The following ENPP3 variants were observed in gnomAD, a reference collection of about 807,000 sequenced individuals.
The protein encoded by ENPP3 is ectonucleotide pyrophosphatase/phosphodiesterase family member 3.
ENPP3 carries 104 observed loss-of-function variants against 117.8 expected under a neutral mutation model. The observed-to-expected ratio is 0.88, with a 90% confidence interval of 0.75 to 1.04. The LOEUF (loss-of-function observed/expected upper bound fraction) is 1.04. Ranked by LOEUF, ENPP3 falls within the 50% of genes least tolerant of loss-of-function variation. The pLI, the probability that ENPP3 is intolerant of heterozygous loss-of-function variation, is 0.00. For missense variants in ENPP3, 1,026 were observed against 1,051.9 expected (o/e 0.98, Z 0.34); for synonymous variants, 380 against 349.9 (o/e 1.09, Z -0.96).
chr6:131,736,471 G>A (rs186729544), intron 21 of ENPP3, among the ~76,000 whole-genome samples: 5 of 152,184 alleles, frequency 3.3e-5, no homozygotes, highest in East Asian at 1.9e-4. Flanking sequence ...ATCAGATCTC[G>A]TGAGACTTAT....
intron 24 of ENPP3, among the ~76,000 whole-genome samples, chr6:131,746,369 C>G (rs1780635942): frequency 6.6e-6 from 1 of 151,900 alleles, no homozygotes; most frequent in Admixed American, 6.6e-5. Flanking sequence ...TTGTAGAATA[C>G]CACTTATAAT....
At chr6:131,701,152 G>T in intron 15 of ENPP3, 1 of 731,014 alleles carries the variant, frequency 1.4e-6, no homozygotes, top group South Asian at 1.7e-5. Context: ...GGATGCAGGA[G>T]GTTCACCAGC....
chr6:131,719,195 C>A (rs1024440259), intron 16 of ENPP3, among the ~76,000 whole-genome samples: 1 of 151,724 alleles, frequency 6.6e-6, no homozygotes, highest in African/African-American at 2.4e-5. Context: ...TGACATTGAG[C>A]AGAGATTTGA....
intron 6 of ENPP3, among the ~76,000 whole-genome samples, chr6:131,661,689 TTTC>T (rs1778503645): frequency 6.6e-6 from 1 of 152,252 alleles, no homozygotes; most frequent in Admixed American, 6.5e-5. Context: ...GCACAATATC[TTTC>T]TTCTTTGAAG....
chr6:131,671,268 A>G lies in ENPP3; in HGVS notation c.583A>G (p.Lys195Glu). 1 of 1,599,896 alleles carries G rather than the reference A, an allele frequency of 6.3e-7. No individual in the cohort carries two copies. Among genetic ancestry groups the G allele is most frequent in the South Asian group, 1.1e-5 (1 of 90,614 alleles). The change falls in exon 7 of 25, where the codon AAA becomes GAA. Residue 195 changes from lysine to glutamate, a missense_variant. Transcript: ENST00000357639. ...TGCAGAAACATGTGGAATTCATTCA[A>G]AATACATGAGAGCTATGTATCCTAC... ...NKLKTCGIHS[K>E]YMRAMYPTKT...
Position 131,740,239 on chromosome 6 carries a change from T to C in ENPP3, c.2316T>C (p.Thr772=), listed in dbSNP as rs781142098. 1 of 1,600,936 alleles carries C rather than the reference T, an allele frequency of 6.2e-7. No individual in the cohort carries two copies. The highest frequency in any genetic ancestry group is 1.1e-5 in the South Asian group (1 of 88,456). Residue 772 remains threonine (T), a synonymous_variant, in exon 24 of 25, where the codon ACT becomes ACC. Transcript: ENST00000357639. ...PDEITKHLAN[T]DVPIPTHYFV... is the part of the protein sequence containing the mutation. ...TGTTTGTAAGACATTTAGCCAACAC[T>C]GATGTTCCCATCCCAACACACTACT... is the stretch of plus-strand genomic sequence containing the variant.
At chr6:131,718,017 C>A (rs1205783985) in intron 15 of ENPP3, among the ~76,000 whole-genome samples, 29 of 152,162 alleles carry the variant, frequency 1.9e-4, no homozygotes, top group Admixed American at 1.9e-3. Context: ...GCTGTACCAT[C>A]CAGGCTTGTG....
intron 2 of ENPP3, among the ~76,000 whole-genome samples, chr6:131,647,356 C>T (rs543183097): frequency 1.3e-5 from 2 of 152,124 alleles, no homozygotes; most frequent in South Asian, 4.1e-4. Context: ...TTAATAAATC[C>T]TCCCTTTAAT....
At chr6:131,724,558 A>G (rs1047583830) in intron 19 of ENPP3, among the ~76,000 whole-genome samples, 2 of 152,172 alleles carry the variant, frequency 1.3e-5, no homozygotes, top group Non-Finnish European at 1.5e-5. Flanking sequence ...TAGCAATATT[A>G]TTATTACCTG....
chr6:131,718,675 T>G lies in ENPP3; in HGVS notation c.1416T>G (p.Ser472Arg). ...TAATAATATTTTTTCTTTATAGGAG[T>G]AAATCAAATACAAATTGTGGAGGAG... ...FVDQQWLAVR[S>R]KSNTNCGGGN... Residue 472 changes from serine (S) to arginine (R), a missense_variant, in exon 16 of 25, where the codon AGT (serine) becomes AGG (arginine). By Grantham distance (110) the Ser-to-Arg change is moderately radical (BLOSUM62 -1). Coordinates refer to ENST00000357639, the MANE Select transcript of ENPP3 (RefSeq NM_005021.5). 6.4e-7 allele frequency: 1 copy of G among 1,572,246 alleles called. No individual in the cohort carries two copies. Among genetic ancestry groups the G allele is most frequent in the Non-Finnish European group, 8.7e-7 (1 of 1,144,042 alleles).
rs199684103 is a variant in ENPP3, at chr6:131,649,991, C to A, written c.155-36C>A. The A allele has an allele frequency of 2.9e-5, 47 of 1,612,886 alleles. No individual in the cohort carries two copies. The African/African-American group carries it at 5.3e-4, about 18-fold the overall frequency. ...CTTAGGTATGAGATATTGAATAGCT[C>A]CTAAATGTTCGGGCCCTATTTCCTT... On this transcript the variant is annotated intron_variant, in intron 2 of 24. Coordinates refer to ENST00000357639, the MANE Select transcript of ENPP3 (RefSeq NM_005021.5).
Position 131,713,049 on chromosome 6 carries a change from A to G in ENPP3, c.1413-5623A>G, listed in dbSNP as rs1779820740. ...CTCAGCAGCTGGTGAGAGGTAATTGAATCATGGGGGTGGGTCTTTCCCATG... is the reference window on the plus strand; with the variant it reads ...CTCAGCAGCTGGTGAGAGGTAATTGGATCATGGGGGTGGGTCTTTCCCATG... On this transcript the variant is annotated intron_variant, in intron 15 of 24. Transcript: ENST00000357639. Among the ~76,000 whole-genome samples the G allele has an allele frequency of 3.0e-5, 4 of 134,670 alleles. No homozygotes were observed. In the South Asian group the frequency reaches 9.3e-4, roughly 31 times the overall value. The allele number at this position is 134,670 out of a possible 152,430, so 88.3% of individuals were successfully genotyped here.
At chr6:131,668,621 G>T (rs919597912) in intron 6 of ENPP3, among the ~76,000 whole-genome samples, 1 of 151,762 alleles carries the variant, frequency 6.6e-6, no homozygotes, top group Non-Finnish European at 1.5e-5. Context: ...AGTTGCATAG[G>T]CTTATCTCAT....
At chr6:131,693,745 G>T (rs3213694) in intron 15 of ENPP3, 121 bp downstream of exon 15, 154,939 of 1,008,012 alleles carry the variant, frequency 0.15, 17,554 homozygotes, top group African/African-American at 0.46. Context: ...GACATTTTCT[G>T]GCCTTTTTGT....
chr6:131,684,633 G>A (rs1370672104), intron 12 of ENPP3, among the ~76,000 whole-genome samples: 3 of 150,238 alleles, frequency 2.0e-5, no homozygotes, highest in Admixed American at 6.6e-5. Context: ...GCAGTGAAGC[G>A]AGATCACACC....
Position 131,674,271 on chromosome 6 carries a change from A to G in ENPP3, c.752A>G (p.His251Arg), listed in dbSNP as rs1349826158. 4.3e-6 allele frequency: 7 copies of G among 1,613,638 alleles called. No individual in the cohort carries two copies. Among genetic ancestry groups the G allele is most frequent in the Non-Finnish European group, 5.1e-6 (6 of 1,179,630 alleles). The part of the protein sequence containing the change: ...SKEQNNPAWW[H>R]GQPMWLTAMY... ...GAACAAAATAATCCAGCCTGGTGGC[A>G]TGGGCAACCAGTATGTAGCATTCTA... is the stretch of plus-strand genomic sequence containing the variant. The change falls in exon 8 of 25, where the codon CAT becomes CGT. Residue 251 changes from histidine to arginine, a missense_variant. Transcript: ENST00000357639.
rs371355267 is a variant in ENPP3, at chr6:131,676,801, G to A, written c.938G>A (p.Arg313Lys). ...TGGCTGGACCTGCCCAAAGCTGAAA[G>A]GTAATGTCTAGTGTCAGAAAAGTGC... ...LKWLDLPKAE[R>K]PRFYTMYFEE... The change falls in exon 10 of 25, where the codon AGA becomes AAA. Residue 313 changes from arginine to lysine, a missense_variant and splice_region_variant. Transcript: ENST00000357639. The A allele has an allele frequency of 3.7e-6, 6 of 1,604,040 alleles. No homozygotes were observed. In the South Asian group the frequency reaches 5.5e-5, roughly 15 times the overall value.
intron 21 of ENPP3, among the ~76,000 whole-genome samples, chr6:131,734,756 G>C (rs528118398): frequency 6.6e-6 from 1 of 151,940 alleles, no homozygotes; most frequent in Non-Finnish European, 1.5e-5. Flanking sequence ...AGAAAAATTA[G>C]CTGGGTTTGC....
At chr6:131,724,206 T>C in intron 19 of ENPP3, 115 bp downstream of exon 19, 1 of 527,408 alleles carries the variant, frequency 1.9e-6, no homozygotes, top group Non-Finnish European at 2.9e-6. Context: ...ATAAAGATTT[T>C]ATTGCCAATA....
Sources: allele counts gnomAD v4.1 joint callset (sites outside exome capture counted in the v4.1 genomes callset), GRCh38; gene constraint gnomAD v4.1.1; transcripts MANE v1.5; gene names NCBI Gene and HGNC (gene_info 2026-07-23, HGNC 2026-07-21).